The following UBE2Q2 variants were observed in gnomAD, a reference collection of about 807,000 sequenced individuals.
UBE2Q2 encodes ubiquitin-conjugating enzyme E2 Q2.
UBE2Q2 carries 54 observed loss-of-function variants against 59.9 expected under a neutral mutation model. The observed-to-expected ratio is 0.90, with a 90% CI of 0.72 to 1.13. UBE2Q2 has a LOEUF of 1.13. UBE2Q2 is among the 50% of genes most tolerant of loss of function. UBE2Q2 has a pLI of 0.00. For synonymous variants in UBE2Q2, 165 were observed against 155.2 expected, an observed-to-expected ratio of 1.06 and a Z score of -0.47; for missense variants, 433 against 441.9, an observed-to-expected ratio of 0.98 and a Z score of 0.18.
intron 3 of UBE2Q2, among the ~76,000 whole-genome samples, chr15:75,863,095 T>A (rs1897277998): frequency 6.6e-6 from 1 of 152,208 alleles, no homozygotes; most frequent in African/African-American, 2.4e-5. Context: ...AAATGTGTTC[T>A]GTATATAGGC....
At chr15:75,846,735 A>G (rs1202917327) in intron 1 of UBE2Q2, among the ~76,000 whole-genome samples, 1 of 152,230 alleles carries the variant, frequency 6.6e-6, no homozygotes. Flanking sequence ...GACAGTTCAA[A>G]TATTTGAATT....
intron 4 of UBE2Q2, among the ~76,000 whole-genome samples, chr15:75,870,183 T>A (rs1018231875): frequency 2.0e-5 from 3 of 152,108 alleles, no homozygotes; most frequent in African/African-American, 7.2e-5. Context: ...TCCTCACACC[T>A]CAGCCTTCTG....
intron 2 of UBE2Q2, among the ~76,000 whole-genome samples, chr15:75,855,201 C>T (rs952318826): frequency 6.6e-6 from 1 of 152,042 alleles, no homozygotes; most frequent in African/African-American, 2.4e-5. Flanking sequence ...TTTTAAAAAA[C>T]ATTTACTGGC....
chr15:75,858,520 G>A (rs1210133089), intron 2 of UBE2Q2, among the ~76,000 whole-genome samples: 1 of 151,914 alleles, frequency 6.6e-6, no homozygotes, highest in African/African-American at 2.4e-5. Context: ...CTGTCCTTCT[G>A]AATGTCTCTT....
chr15:75,844,172 C>G (rs1359481420), intron 1 of UBE2Q2: 11 of 1,437,308 alleles, frequency 7.7e-6, no homozygotes, highest in Non-Finnish European at 9.1e-6. Context: ...CGCCCTCAGC[C>G]GGCCTGCTCC....
intron 1 of UBE2Q2, chr15:75,844,598 C>A: frequency 8.2e-7 from 1 of 1,223,094 alleles, no homozygotes; most frequent in Non-Finnish European, 1.1e-6. Context: ...ACGTATGTCA[C>A]AAAGCCGAAA....
chr15:75,883,924 T>C (rs1898606175), intron 9 of UBE2Q2, among the ~76,000 whole-genome samples: 1 of 152,156 alleles, frequency 6.6e-6, no homozygotes, highest in Non-Finnish European at 1.5e-5. Context: ...ATGTAAATTG[T>C]GATTGAGGGT....
intron 1 of UBE2Q2, among the ~76,000 whole-genome samples, chr15:75,850,595 T>A (rs761609612): frequency 6.6e-6 from 1 of 152,144 alleles, no homozygotes; most frequent in Non-Finnish European, 1.5e-5. Flanking sequence ...TCAGGTTTTG[T>A]GTCAAGAGAG....
At chr15:75,855,359 C>T (rs557117019) in intron 2 of UBE2Q2, among the ~76,000 whole-genome samples, 2 of 151,834 alleles carry the variant, frequency 1.3e-5, no homozygotes, top group African/African-American at 2.4e-5. Flanking sequence ...GGCATGGTGG[C>T]GCATGCTTGT....
At chr15:75,851,249 C>T (rs1302055236) in intron 1 of UBE2Q2, among the ~76,000 whole-genome samples, 2 of 151,384 alleles carry the variant, frequency 1.3e-5, no homozygotes, top group African/African-American at 4.9e-5. Context: ...GGCCATCTTA[C>T]TGGCTAATTT....
chr15:75,889,635 A>G (rs1898983653), intron 9 of UBE2Q2, among the ~76,000 whole-genome samples: 1 of 152,206 alleles, frequency 6.6e-6, no homozygotes, highest in Non-Finnish European at 1.5e-5. Flanking sequence ...TTTGTGGTGG[A>G]CTTGGTGTCC....
chr15:75,888,227 C>T (rs887310464), intron 9 of UBE2Q2, among the ~76,000 whole-genome samples: 1 of 152,186 alleles, frequency 6.6e-6, no homozygotes, highest in African/African-American at 2.4e-5. Context: ...AAACCCCGTA[C>T]TGATTAGCAG....
intron 5 of UBE2Q2, 123 bp from the exon 6 acceptor site, chr15:75,876,064 C>T: frequency 2.0e-6 from 1 of 510,516 alleles, no homozygotes; most frequent in Non-Finnish European, 3.1e-6. Context: ...GACTCCATCT[C>T]CAAAAAAAAA....
At chr15:75,865,446 T>G (rs1245995801) in intron 3 of UBE2Q2, among the ~76,000 whole-genome samples, 1 of 152,260 alleles carries the variant, frequency 6.6e-6, no homozygotes, top group East Asian at 1.9e-4. Context: ...GTGGGTTGTT[T>G]CCAGTGTTAG....
At chr15:75,877,057 G>C (rs1898122807) in intron 6 of UBE2Q2, among the ~76,000 whole-genome samples, 1 of 147,878 alleles carries the variant, frequency 6.8e-6, no homozygotes, top group Non-Finnish European at 1.5e-5. Context: ...GCTACTCAGT[G>C]GTCTGAGGCA....
chr15:75,856,273 A>G (rs12909937), intron 2 of UBE2Q2, among the ~76,000 whole-genome samples: 43,292 of 130,714 alleles, frequency 0.33, 6,503 homozygotes, highest in Non-Finnish European at 0.37. Context: ...GTGTGTGTAT[A>G]TATATATATA....
intron 9 of UBE2Q2, among the ~76,000 whole-genome samples, chr15:75,888,370 G>GT (rs1281202016): frequency 2.0e-5 from 3 of 152,124 alleles, no homozygotes. Context: ...TGTGACTGGT[G>GT]TTTTTTACAG....
Position 75,900,723 on chromosome 15 carries a change from C to G in UBE2Q2, c.*1265C>G, listed in dbSNP as rs1389248209. Reference sequence around the variant, plus strand: ...TGTGTGTGTTTAATTTCTTTTGATTCCATTTTGGTTAAGAGAGCAGTAAAT... The same window carrying G: ...TGTGTGTGTTTAATTTCTTTTGATTGCATTTTGGTTAAGAGAGCAGTAAAT... On this transcript the variant is annotated 3_prime_UTR_variant, in exon 13 of 13. Coordinates refer to ENST00000267938, the MANE Select transcript of UBE2Q2 (RefSeq NM_173469.4). 1 of 152,504 alleles carries G rather than the reference C, an allele frequency of 6.6e-6. No homozygotes were observed. Among genetic ancestry groups the G allele is most frequent in the Non-Finnish European group, 1.5e-5 (1 of 68,020 alleles). The allele number at this position is 152,504 out of a possible 1,614,324, so 9.4% of individuals were successfully genotyped here. A position where few individuals can be genotyped will look rare whatever the true frequency, so the allele number is the denominator to read the frequency against.
chr15:75,858,705 C>G (rs1897052698), intron 2 of UBE2Q2, among the ~76,000 whole-genome samples: 1 of 152,216 alleles, frequency 6.6e-6, no homozygotes, highest in Admixed American at 6.5e-5. Flanking sequence ...GGAGCCCCTT[C>G]CGTGCCAGAG....
Sources: allele counts gnomAD v4.1 joint callset (sites outside exome capture counted in the v4.1 genomes callset), GRCh38; gene constraint gnomAD v4.1.1; transcripts MANE v1.5; gene names NCBI Gene and HGNC (gene_info 2026-07-23, HGNC 2026-07-21).